NALF1: variants seen among roughly 807,000 people sequenced by gnomAD.
The protein encoded by NALF1 is family with sequence similarity 155 member A.
In NALF1, 3 loss-of-function variants were observed where a neutral mutation model predicts 48.4. The ratio of observed to expected loss-of-function variants is 0.06; its 90% CI spans 0.03 to 0.16. NALF1 has a LOEUF of 0.16. NALF1 is among the 10% of genes least tolerant of loss of function. NALF1 has a pLI of 1.00. For synonymous variants in NALF1, 262 were observed against 245.7 expected, an observed-to-expected ratio of 1.07 and a Z score of -0.62; for missense variants, 526 against 571.5, an observed-to-expected ratio of 0.92 and a Z score of 0.81.
intron 1 of NALF1, among the ~76,000 whole-genome samples, chr13:107,763,339 T>C (rs959346954): frequency 6.6e-6 from 1 of 152,074 alleles, no homozygotes; most frequent in Admixed American, 6.6e-5. Context: ...CTATTCTCCA[T>C]ATAATGTCCA....
At chr13:107,716,341 T>G (rs1875817634) in intron 1 of NALF1, among the ~76,000 whole-genome samples, 1 of 152,166 alleles carries the variant, frequency 6.6e-6, no homozygotes, top group South Asian at 2.1e-4. Flanking sequence ...CGTCTGAGCA[T>G]GTTTTGTTTC....
At chr13:107,282,219 C>T (rs572318794) in intron 1 of NALF1, among the ~76,000 whole-genome samples, 6 of 152,310 alleles carry the variant, frequency 3.9e-5, no homozygotes, top group Non-Finnish European at 7.4e-5. Flanking sequence ...TACACCAATA[C>T]TCCATCCCAG....
chr13:107,861,223 TA>T (rs1451781285), intron 1 of NALF1, among the ~76,000 whole-genome samples: 1 of 152,162 alleles, frequency 6.6e-6, no homozygotes, highest in Non-Finnish European at 1.5e-5. Context: ...GTTAAAGAAA[TA>T]AAAATACATA....
At chr13:107,400,935 A>G (rs1883796092) in intron 1 of NALF1, among the ~76,000 whole-genome samples, 1 of 152,134 alleles carries the variant, frequency 6.6e-6, no homozygotes, top group African/African-American at 2.4e-5. Flanking sequence ...AATTATTTAG[A>G]TACCTGATTA....
chr13:107,171,836 T>G (rs1465552937), intron 2 of NALF1, among the ~76,000 whole-genome samples: 1 of 152,188 alleles, frequency 6.6e-6, no homozygotes, highest in African/African-American at 2.4e-5. Flanking sequence ...ATGTCATGCA[T>G]GAAAAACTTA....
chr13:107,680,881 T>C (rs2138495566), intron 1 of NALF1, among the ~76,000 whole-genome samples: 1 of 151,678 alleles, frequency 6.6e-6, no homozygotes, highest in Admixed American at 6.6e-5. Flanking sequence ...AGGGTGTGTG[T>C]GTGTCCATGA....
Position 107,833,101 on chromosome 13 carries a change from T to G in NALF1, c.915+32581A>C, listed in dbSNP as rs77130056. On this transcript the variant is annotated intron_variant, in intron 1 of 2. Transcript: ENST00000375915. ...ATGGTACCCGCCCTGCAGTTTTCTG[T>G]GCAGAGGGCCCTCGCTAAGTGAAGC... Among the ~76,000 whole-genome samples the G allele has an allele frequency of 9.2e-5, 14 of 152,266 alleles. No individual in the cohort carries two copies. In the East Asian group the frequency reaches 2.3e-3, roughly 25 times the overall value.
At chr13:107,784,197 G>A (rs1461373742) in intron 1 of NALF1, among the ~76,000 whole-genome samples, 6 of 152,306 alleles carry the variant, frequency 3.9e-5, no homozygotes, top group Non-Finnish European at 8.8e-5. Context: ...AAAGAGTAGC[G>A]AAATAACTAC....
At chr13:107,674,381 T>A (rs1209877552) in intron 1 of NALF1, among the ~76,000 whole-genome samples, 3 of 152,216 alleles carry the variant, frequency 2.0e-5, no homozygotes, top group African/African-American at 7.2e-5. Flanking sequence ...CCTGAGTGCA[T>A]CCTATTACTT....
chr13:107,728,370 A>G (rs1876215988), intron 1 of NALF1, among the ~76,000 whole-genome samples: 1 of 152,228 alleles, frequency 6.6e-6, no homozygotes, highest in African/African-American at 2.4e-5. Flanking sequence ...GAATGAGTTT[A>G]TGTTCATTGC....
At chr13:107,544,254 ACT>A (rs749134516) in intron 1 of NALF1, among the ~76,000 whole-genome samples, 55 of 152,114 alleles carry the variant, frequency 3.6e-4, no homozygotes, top group Non-Finnish European at 7.1e-4. Flanking sequence ...AAACACAGAC[ACT>A]CTCTAGGATA....
intron 1 of NALF1, among the ~76,000 whole-genome samples, chr13:107,576,026 G>A (rs796591850): frequency 2.0e-5 from 3 of 151,900 alleles, no homozygotes; most frequent in Admixed American, 6.6e-5. Flanking sequence ...GTGTCTGTAC[G>A]TGTTTGTATC....
chr13:107,629,558 G>A (rs1319095004), intron 1 of NALF1, among the ~76,000 whole-genome samples: 1 of 151,978 alleles, frequency 6.6e-6, no homozygotes, highest in East Asian at 1.9e-4. Flanking sequence ...GCAGTGACTT[G>A]CTTTTTCGAA....
At chr13:107,435,764 GAGAA>G (rs1385856597) in intron 1 of NALF1, among the ~76,000 whole-genome samples, 2 of 148,888 alleles carry the variant, frequency 1.3e-5, no homozygotes, top group Non-Finnish European at 3.0e-5. Context: ...AAAAGAGTGT[GAGAA>G]AGAATTAAGG....
chr13:107,694,408 T>C (rs1881649929), intron 1 of NALF1, among the ~76,000 whole-genome samples: 1 of 152,142 alleles, frequency 6.6e-6, no homozygotes, highest in Non-Finnish European at 1.5e-5. Flanking sequence ...TCTCTCTCTT[T>C]ATATATATTA....
intron 1 of NALF1, among the ~76,000 whole-genome samples, chr13:107,407,745 T>A (rs1246199260): frequency 6.6e-6 from 1 of 152,118 alleles, no homozygotes; most frequent in Non-Finnish European, 1.5e-5. Flanking sequence ...ATCCCACTCC[T>A]AGGTATATAC....
intron 1 of NALF1, among the ~76,000 whole-genome samples, chr13:107,219,507 A>C (rs569695625): frequency 6.6e-6 from 1 of 152,348 alleles, no homozygotes; most frequent in South Asian, 2.1e-4. Context: ...AAGAAATCTG[A>C]AACTAATCTA....
At chr13:107,206,463 A>G (rs1255262166) in intron 2 of NALF1, among the ~76,000 whole-genome samples, 1 of 152,242 alleles carries the variant, frequency 6.6e-6, no homozygotes, top group Non-Finnish European at 1.5e-5. Flanking sequence ...TCAAAAATAT[A>G]TACATTTAAA....
intron 1 of NALF1, among the ~76,000 whole-genome samples, chr13:107,605,283 T>C (rs949566267): frequency 7.9e-5 from 12 of 152,196 alleles, no homozygotes; most frequent in Non-Finnish European, 1.6e-4. Context: ...TCCAGTGAAA[T>C]AGTTGAAGCT....
Sources: allele counts gnomAD v4.1 joint callset (sites outside exome capture counted in the v4.1 genomes callset), GRCh38; gene constraint gnomAD v4.1.1; transcripts MANE v1.5; gene names NCBI Gene and HGNC (gene_info 2026-07-23, HGNC 2026-07-21).